The following RBFOX1 variants were observed in gnomAD, a reference collection of about 807,000 sequenced individuals.
The protein encoded by RBFOX1 is RNA binding protein fox-1 homolog 1.
RBFOX1 carries 8 observed loss-of-function variants against 57.7 expected under a neutral mutation model. That is an observed-to-expected ratio of 0.14 (90% confidence interval 0.08 to 0.25). The LOEUF (loss-of-function observed/expected upper bound fraction) is 0.25, where lower values mean the gene tolerates loss of function less well. Ranked by LOEUF, RBFOX1 falls within the 10% of genes least tolerant of loss-of-function variation. The pLI, the probability that RBFOX1 is intolerant of heterozygous loss-of-function variation, is 1.00. For missense variants in RBFOX1, 611 were observed against 548.5 expected, an observed-to-expected ratio of 1.11 and a Z score of -1.14; for synonymous variants, 326 against 222.4, an observed-to-expected ratio of 1.47 and a Z score of -4.15.
At chr16:6,755,800 C>T (rs1169378572) in intron 3 of RBFOX1, among the ~76,000 whole-genome samples, 1 of 152,138 alleles carries the variant, frequency 6.6e-6, no homozygotes, top group Non-Finnish European at 1.5e-5. Context: ...TTAACTGTTG[C>T]CCCTATTTGG....
intron 1 of RBFOX1, among the ~76,000 whole-genome samples, chr16:5,441,655 G>C (rs1357051028): frequency 3.3e-5 from 5 of 152,136 alleles, no homozygotes; most frequent in African/African-American, 1.2e-4. Context: ...GTGAGCCACT[G>C]TTCCTGGCAG....
At chr16:6,538,985 T>C (rs2096773535) in intron 2 of RBFOX1, among the ~76,000 whole-genome samples, 1 of 152,204 alleles carries the variant, frequency 6.6e-6, no homozygotes, top group African/African-American at 2.4e-5. Context: ...TACCTCCAGG[T>C]ACTGTGTCAT....
At chr16:5,503,538 G>A (rs559762744) in intron 2 of RBFOX1, among the ~76,000 whole-genome samples, 6 of 152,278 alleles carry the variant, frequency 3.9e-5, no homozygotes, top group South Asian at 2.1e-4. Flanking sequence ...CTACCTCCTG[G>A]GTTCAAGCGA....
At chr16:6,260,997 G>C (rs8043549) in intron 1 of RBFOX1, among the ~76,000 whole-genome samples, 147,570 of 152,346 alleles carry the variant, frequency 0.97, 71,664 homozygotes, top group East Asian at 1. Flanking sequence ...AAATATATCT[G>C]TGCATATATA....
chr16:6,562,832 T>TTTTCTTTC (rs370685598), intron 2 of RBFOX1, among the ~76,000 whole-genome samples: 3,755 of 75,740 alleles, frequency 0.05, 382 homozygotes, highest in Non-Finnish European at 0.057. Flanking sequence ...TTCTTGATTC[T>TTTTCTTTC]TTTCTTTCTT....
At chr16:6,344,556 C>G (rs1218715561) in intron 2 of RBFOX1, among the ~76,000 whole-genome samples, 1 of 151,290 alleles carries the variant, frequency 6.6e-6, no homozygotes, top group African/African-American at 2.4e-5. Flanking sequence ...CACCACTGCG[C>G]CCGGCTAATT....
chr16:7,638,398 C>T (rs767730678), intron 11 of RBFOX1, among the ~76,000 whole-genome samples: 10 of 140,220 alleles, frequency 7.1e-5, no homozygotes, highest in Non-Finnish European at 1.2e-4. Flanking sequence ...AATCCCAAGC[C>T]GCCTTCTTCA....
intron 3 of RBFOX1, among the ~76,000 whole-genome samples, chr16:6,804,822 T>A (rs2086343841): frequency 6.6e-6 from 1 of 152,214 alleles, no homozygotes; most frequent in Non-Finnish European, 1.5e-5. Flanking sequence ...TGACTTCTTA[T>A]AGGTAAAGTA....
chr16:7,557,249 A>G (rs183519555), intron 5 of RBFOX1, among the ~76,000 whole-genome samples: 137 of 152,266 alleles, frequency 9.0e-4, no homozygotes, highest in Non-Finnish European at 1.5e-3. Flanking sequence ...TACTTAGCAC[A>G]GCTTTATTGC....
chr16:5,683,513 C>T (rs139708294), intron 3 of RBFOX1, among the ~76,000 whole-genome samples: 138 of 152,058 alleles, frequency 9.1e-4, no homozygotes, highest in Non-Finnish European at 1.7e-3. Context: ...GTTTAATCAG[C>T]TTCCAGTGCA....
chr16:5,578,010 G>T (rs1277031812), intron 2 of RBFOX1, among the ~76,000 whole-genome samples: 1 of 152,152 alleles, frequency 6.6e-6, no homozygotes, highest in Non-Finnish European at 1.5e-5. Flanking sequence ...GGGGTACAGT[G>T]GTGTGATCTT....
chr16:7,349,000 G>A (rs2097075734), intron 4 of RBFOX1, among the ~76,000 whole-genome samples: 1 of 152,164 alleles, frequency 6.6e-6, no homozygotes, highest in Admixed American at 6.6e-5. Flanking sequence ...AACCGGGTGA[G>A]TAGGAGGCTT....
At chr16:6,477,132 G>A (rs990630436) in intron 2 of RBFOX1, among the ~76,000 whole-genome samples, 8 of 152,058 alleles carry the variant, frequency 5.3e-5, no homozygotes, top group African/African-American at 1.9e-4. Flanking sequence ...AATCATTCTT[G>A]AGAGTTGGAA....
At position 5,627,721 on chromosome 16, in the gene RBFOX1, TA is replaced by T. The variant is rs1180182661; in HGVS notation, c.318+28766del. On this transcript the variant is annotated intron_variant, in intron 3 of 19. Coordinates refer to the RBFOX1 transcript ENST00000641259. ...AAAGAAACAGTAAAAATAATACAAA[TA>T]AAAAATACAGTATAACAACTATTTA... 3.3e-5 allele frequency among the ~76,000 whole-genome samples: 5 copies of T among 152,152 alleles called. No individual in the cohort carries two copies. In the East Asian group the frequency reaches 9.6e-4, roughly 29 times the overall value.
At chr16:6,594,241 T>C (rs2097754988) in intron 2 of RBFOX1, among the ~76,000 whole-genome samples, 2 of 152,136 alleles carry the variant, frequency 1.3e-5, no homozygotes, top group South Asian at 4.1e-4. Flanking sequence ...TGGTGACTGC[T>C]AAATGAAGAA....
intron 3 of RBFOX1, among the ~76,000 whole-genome samples, chr16:5,713,200 T>A (rs1222382666): frequency 6.6e-6 from 1 of 152,202 alleles, no homozygotes; most frequent in South Asian, 2.1e-4. Context: ...CTTAAGCCAT[T>A]TGGGGCTAAT....
chr16:6,995,546 C>G (rs1195996525), intron 3 of RBFOX1, among the ~76,000 whole-genome samples: 1 of 152,092 alleles, frequency 6.6e-6, no homozygotes, highest in East Asian at 1.9e-4. Context: ...GGGTGGATCA[C>G]CTTAGGTCAG....
chr16:6,078,072 A>T (rs1343286557), intron 1 of RBFOX1, among the ~76,000 whole-genome samples: 2 of 152,184 alleles, frequency 1.3e-5, no homozygotes, highest in African/African-American at 4.8e-5. Context: ...GATCATGCTC[A>T]TCTTTGTCTA....
intron 3 of RBFOX1, among the ~76,000 whole-genome samples, chr16:6,989,601 T>C (rs1417522755): frequency 1.3e-5 from 2 of 152,146 alleles, no homozygotes; most frequent in Non-Finnish European, 2.9e-5. Context: ...TGCAACCATT[T>C]AAGAGTGGGA....
Sources: gnomAD v4.1 joint callset for allele counts (sites outside exome capture counted in the v4.1 genomes callset) on GRCh38, gnomAD v4.1.1 for gene constraint, MANE v1.5 for transcripts, NCBI Gene and HGNC (gene_info 2026-07-23, HGNC 2026-07-21) for gene names.